The following SLIT3 variants were observed in gnomAD, a reference collection of about 807,000 sequenced individuals.
SLIT3 encodes the protein slit guidance ligand 3.
In SLIT3, 68 loss-of-function variants were observed where a neutral mutation model predicts 184.0. The observed-to-expected ratio is 0.37, with a 90% confidence interval of 0.30 to 0.45. The LOEUF is 0.45. Among genes scored for constraint, SLIT3 ranks in the 20% least tolerant of loss-of-function variants. The pLI, the probability that SLIT3 is intolerant of heterozygous loss-of-function variation, is 1.00. For synonymous variants in SLIT3, 831 were observed against 828.6 expected (o/e 1.00, Z -0.05); for missense variants, 1,707 against 2,026.0 (o/e 0.84, Z 3.02).
intron 9 of SLIT3, among the ~76,000 whole-genome samples, chr5:168,798,616 C>T (rs1353501059): frequency 6.6e-6 from 1 of 152,056 alleles, no homozygotes; most frequent in Non-Finnish European, 1.5e-5. Flanking sequence ...AGTGCCAAGG[C>T]CATTGCATGA....
chr5:169,239,918 C>A (rs1043142138), intron 3 of SLIT3, among the ~76,000 whole-genome samples: 1 of 152,138 alleles, frequency 6.6e-6, no homozygotes, highest in East Asian at 1.9e-4. Context: ...AAAGGCTATA[C>A]ATTTTCCTCT....
chr5:169,006,632 A>ACACACACACACACACACACACACACAC (rs752430679), intron 4 of SLIT3, among the ~76,000 whole-genome samples: 2 of 132,962 alleles, frequency 1.5e-5, no homozygotes, highest in African/African-American at 3.0e-5. Flanking sequence ...CACACACACA[A>ACACACACACACACACACACACACACAC]CTCTCCAAGC....
rs965048788 is a variant in SLIT3, at chr5:168,838,707, C to A, written c.557+5877G>T. On this transcript the variant is annotated intron_variant, in intron 6 of 35. Transcript: ENST00000519560. ...GCACACCCTGACCTAGGTTTCAGGA[C>A]TGCTGTCGATTTTTTTCCACTGCCT... Among the ~76,000 whole-genome samples the A allele has an allele frequency of 5.3e-5, 8 of 152,160 alleles. No homozygotes were observed. In the South Asian group the frequency reaches 1.7e-3, roughly 31 times the overall value.
intron 4 of SLIT3, among the ~76,000 whole-genome samples, chr5:169,184,881 A>C (rs1448101075): frequency 2.0e-5 from 3 of 152,228 alleles, no homozygotes; most frequent in African/African-American, 7.2e-5. Flanking sequence ...GTTCAGATAC[A>C]TACTAAAGTT....
intron 4 of SLIT3, among the ~76,000 whole-genome samples, chr5:168,967,232 A>G (rs1763229520): frequency 6.6e-6 from 1 of 151,974 alleles, no homozygotes; most frequent in African/African-American, 2.4e-5. Context: ...GTGTGTGTGC[A>G]TGTGTATATA....
intron 1 of SLIT3, chr5:169,263,714 C>T (rs758013678): frequency 3.9e-6 from 2 of 509,698 alleles, no homozygotes; most frequent in South Asian, 1.4e-5. Flanking sequence ...TGCAGCCTCC[C>T]CCAGCTGCTC....
At position 169,271,844 on chromosome 5, in the gene SLIT3, C is replaced by T. The variant is rs187626405; in HGVS notation, c.198-20385G>A. The stretch of plus-strand genomic sequence containing the variant: ...GCCTCTTTATCTACAGAGGCCTTGC[C>T]GTAGACCCTATCATTATGGGGTAGA... On this transcript the variant is annotated intron_variant, in intron 1 of 35. Transcript: ENST00000519560. Among the ~76,000 whole-genome samples, 5 of 152,276 alleles carry T rather than the reference C, an allele frequency of 3.3e-5. No homozygotes were observed. The East Asian group carries it at 5.8e-4, about 18-fold the overall frequency.
chr5:168,861,445 G>A (rs1282278966), intron 5 of SLIT3, among the ~76,000 whole-genome samples: 1 of 114,754 alleles, frequency 8.7e-6, no homozygotes, highest in East Asian at 3.1e-4. Context: ...CATTTCAATA[G>A]GCAGCAAGGC....
At chr5:169,054,970 G>C (rs1757943944) in intron 4 of SLIT3, among the ~76,000 whole-genome samples, 1 of 152,074 alleles carries the variant, frequency 6.6e-6, no homozygotes, top group African/African-American at 2.4e-5. Flanking sequence ...AATTCTTGGT[G>C]GTCAGAGGCT....
chr5:169,019,705 A>T (rs1756526911), intron 4 of SLIT3, among the ~76,000 whole-genome samples: 1 of 152,246 alleles, frequency 6.6e-6, no homozygotes, highest in South Asian at 2.1e-4. Context: ...ACTCCAAAAT[A>T]CTAAGGGTGG....
chr5:169,255,407 C>T (rs1184467512), intron 1 of SLIT3, among the ~76,000 whole-genome samples: 3 of 152,084 alleles, frequency 2.0e-5, no homozygotes, highest in Admixed American at 2.0e-4. Context: ...ATGATCCTGA[C>T]CCTGTGTAGA....
chr5:168,919,359 T>C (rs563704402), intron 4 of SLIT3, among the ~76,000 whole-genome samples: 1 of 152,252 alleles, frequency 6.6e-6, no homozygotes, highest in South Asian at 2.1e-4. Context: ...TCTCTATCAA[T>C]GATTGCCCCA....
chr5:168,820,607 C>A (rs772055271), intron 7 of SLIT3, among the ~76,000 whole-genome samples: 1 of 152,286 alleles, frequency 6.6e-6, no homozygotes, highest in Non-Finnish European at 1.5e-5. Flanking sequence ...CATGGCCCTG[C>A]CTGGACAAGG....
At chr5:168,940,124 T>C (rs1196638646) in intron 4 of SLIT3, among the ~76,000 whole-genome samples, 1 of 152,184 alleles carries the variant, frequency 6.6e-6, no homozygotes, top group African/African-American at 2.4e-5. Flanking sequence ...GAGATGCGGG[T>C]GATAAATGCT....
intron 4 of SLIT3, among the ~76,000 whole-genome samples, chr5:169,175,480 TA>T (rs1220404116): frequency 6.6e-6 from 1 of 152,152 alleles, no homozygotes; most frequent in Non-Finnish European, 1.5e-5. Flanking sequence ...TCCTCCATAA[TA>T]AAATGAAATG....
In SLIT3 at chr5:168,979,618, C is replaced by T. The variant is rs186016929; in HGVS notation, c.414-96282G>A. Among the ~76,000 whole-genome samples, 1,270 of 152,344 alleles carry T rather than the reference C, an allele frequency of 8.3e-3. 17 individuals are homozygous for T. Among genetic ancestry groups the T allele is most frequent in the Admixed American group, 0.015 (236 of 15,300 alleles). On this transcript the variant is annotated intron_variant, in intron 4 of 35. Transcript: ENST00000519560. Reference sequence around the variant, plus strand: ...TCAGACAAGGGCAGTGTTTGAACCACTCTCCACAGCCTGGAGAATGGGGTG... The same window carrying T: ...TCAGACAAGGGCAGTGTTTGAACCATTCTCCACAGCCTGGAGAATGGGGTG...
chr5:168,772,628 T>C, intron 14 of SLIT3, 153 bp downstream of exon 14: 1 of 717,144 alleles, frequency 1.4e-6, no homozygotes, highest in Non-Finnish European at 2.3e-6. Flanking sequence ...ACTGGTTTTC[T>C]GCAGGGCTAA....
intron 4 of SLIT3, among the ~76,000 whole-genome samples, chr5:169,086,161 T>G (rs1759289803): frequency 6.6e-6 from 1 of 152,220 alleles, no homozygotes; most frequent in Non-Finnish European, 1.5e-5. Context: ...ATACCTCTTT[T>G]TGTTTTTTAA....
intron 4 of SLIT3, among the ~76,000 whole-genome samples, chr5:169,112,850 G>T (rs1404081070): frequency 6.6e-6 from 1 of 152,090 alleles, no homozygotes; most frequent in African/African-American, 2.4e-5. Flanking sequence ...CACAGCTTCT[G>T]TTGGGCGGCC....
Sources: gnomAD v4.1 joint callset for allele counts (sites outside exome capture counted in the v4.1 genomes callset) on GRCh38, gnomAD v4.1.1 for gene constraint, MANE v1.5 for transcripts, NCBI Gene and HGNC (gene_info 2026-07-23, HGNC 2026-07-21) for gene names.